Variants in ANKRD11 observed in about 807,000 individuals in gnomAD.
ANKRD11 encodes the protein ankyrin repeat domain-containing protein 11.
In ANKRD11, 17 loss-of-function variants were observed where a neutral mutation model predicts 195.7. The observed-to-expected ratio is 0.09, with a 90% confidence interval of 0.06 to 0.13. The LOEUF is 0.13. ANKRD11 is among the 10% of genes least tolerant of loss of function. The pLI is 1.00. For synonymous variants in ANKRD11, 1,953 were observed against 1,528.1 expected, an observed-to-expected ratio of 1.28 and a Z score of -6.49; for missense variants, 3,735 against 3,566.1, an observed-to-expected ratio of 1.05 and a Z score of -1.21.
chr16:89,428,320 T>C (rs1027444328), intron 1 of ANKRD11, among the ~76,000 whole-genome samples: 1 of 151,896 alleles, frequency 6.6e-6, no homozygotes, highest in African/African-American at 2.4e-5. Context: ...GGTCAGGAGA[T>C]CGAGACCATC....
At chr16:89,371,738 T>A (rs951810532) in intron 2 of ANKRD11, among the ~76,000 whole-genome samples, 2 of 152,002 alleles carry the variant, frequency 1.3e-5, no homozygotes, top group African/African-American at 4.8e-5. Flanking sequence ...CGATGCGGAC[T>A]CCCTCCTGCA....
intron 1 of ANKRD11, among the ~76,000 whole-genome samples, chr16:89,490,001 G>C (rs1470557354): frequency 2.0e-4 from 5 of 24,738 alleles, no homozygotes; most frequent in South Asian, 1.4e-3. Flanking sequence ...CGGCCACCCC[G>C]GGCCCCCAAA....
intron 1 of ANKRD11, among the ~76,000 whole-genome samples, chr16:89,469,261 G>A (rs955273923): frequency 6.6e-5 from 10 of 151,616 alleles, no homozygotes; most frequent in Non-Finnish European, 1.3e-4. Flanking sequence ...TCACTCTGTC[G>A]CCCAGGCTAG....
Position 89,490,533 on chromosome 16 carries a change from C to A in ANKRD11, c.-433G>T. The A allele has an allele frequency of 2.2e-6, 1 of 463,036 alleles. No individual in the cohort carries two copies. The highest frequency in any genetic ancestry group is 3.6e-5 in the South Asian group (1 of 27,914). 28.7% of individuals were successfully genotyped at this position (463,036 alleles called of 1,614,324 possible). Reference sequence around the variant, plus strand: ...CGCCTCCCCGGCTGGGGCCCTCGGTCCATCGCGCACCGTCTCAGGGCGGCC... The same window carrying A: ...CGCCTCCCCGGCTGGGGCCCTCGGTACATCGCGCACCGTCTCAGGGCGGCC... On this transcript the variant is annotated 5_prime_UTR_variant, in exon 1 of 13. Coordinates refer to ENST00000301030, the MANE Select transcript of ANKRD11 (RefSeq NM_013275.6).
intron 6 of ANKRD11, chr16:89,288,973 T>TA: frequency 2.0e-6 from 1 of 503,962 alleles, no homozygotes; most frequent in South Asian, 2.0e-5. Context: ...CACAGTGTAG[T>TA]AAACAGCAGC....
At chr16:89,316,803 T>G in intron 3 of ANKRD11, 130 bp downstream of exon 3, 2 of 1,139,810 alleles carry the variant, frequency 1.8e-6, no homozygotes, top group East Asian at 5.1e-5. Context: ...TCTCCACTCC[T>G]GGCTGCAGAC....
intron 1 of ANKRD11, among the ~76,000 whole-genome samples, chr16:89,440,450 A>G (rs192907755): frequency 6.6e-6 from 1 of 152,200 alleles, no homozygotes; most frequent in African/African-American, 2.4e-5. Context: ...TTGTAACAAT[A>G]AAAACAGAAT....
chr16:89,455,552 A>C (rs1198843591), intron 1 of ANKRD11, among the ~76,000 whole-genome samples: 1 of 152,086 alleles, frequency 6.6e-6, no homozygotes, highest in Non-Finnish European at 1.5e-5. Flanking sequence ...AGCTGCAAAA[A>C]CTGTCAGAAT....
chr16:89,415,268 T>TAAACCCTGCA (rs1567773123), intron 2 of ANKRD11, among the ~76,000 whole-genome samples: 18 of 142,734 alleles, frequency 1.3e-4, no homozygotes, highest in African/African-American at 4.0e-4. Context: ...ATTCTTTTTT[T>TAAACCCTGCA]TTTTTTTTTT....
At chr16:89,370,016 G>A (rs943492368) in intron 2 of ANKRD11, among the ~76,000 whole-genome samples, 5 of 152,206 alleles carry the variant, frequency 3.3e-5, no homozygotes, top group African/African-American at 1.2e-4. Context: ...TTCAGGAAGA[G>A]CCAGGCCAAG....
chr16:89,366,461 C>G (rs1286366057), intron 2 of ANKRD11, among the ~76,000 whole-genome samples: 1 of 152,182 alleles, frequency 6.6e-6, no homozygotes, highest in East Asian at 1.9e-4. Flanking sequence ...TATAAGTGCT[C>G]CCTTTAATCC....
chr16:89,410,165 C>T (rs1288851089), intron 2 of ANKRD11, among the ~76,000 whole-genome samples: 2 of 152,144 alleles, frequency 1.3e-5, no homozygotes, highest in African/African-American at 4.8e-5. Context: ...ACACAGTTTG[C>T]TGTTCAGCTA....
chr16:89,369,294 C>T (rs1191421507), intron 2 of ANKRD11, among the ~76,000 whole-genome samples: 5 of 152,238 alleles, frequency 3.3e-5, no homozygotes, highest in African/African-American at 1.2e-4. Flanking sequence ...CTCCACGACA[C>T]TCGCAGGTCT....
chr16:89,448,343 C>T (rs1201726337), intron 1 of ANKRD11, among the ~76,000 whole-genome samples: 1 of 152,080 alleles, frequency 6.6e-6, no homozygotes, highest in Non-Finnish European at 1.5e-5. Flanking sequence ...ATGGTGAAAC[C>T]TTTTCTCAAA....
chr16:89,375,002 A>G (rs1029226285), intron 2 of ANKRD11, among the ~76,000 whole-genome samples: 1 of 152,106 alleles, frequency 6.6e-6, no homozygotes, highest in Non-Finnish European at 1.5e-5. Flanking sequence ...CCTACCATAA[A>G]CTATACACAG....
chr16:89,342,274 G>A (rs969893380), intron 2 of ANKRD11, among the ~76,000 whole-genome samples: 3 of 152,258 alleles, frequency 2.0e-5, no homozygotes, highest in African/African-American at 7.2e-5. Context: ...AAGAGCTGCT[G>A]GTGAATGAGA....
chr16:89,346,241 C>T (rs2038932636), intron 2 of ANKRD11, among the ~76,000 whole-genome samples: 1 of 141,918 alleles, frequency 7.0e-6, no homozygotes, highest in Non-Finnish European at 1.5e-5. Context: ...GAGGGAGACC[C>T]CGTCTCAGGA....
At chr16:89,480,859 G>A (rs1401167594) in intron 1 of ANKRD11, among the ~76,000 whole-genome samples, 3 of 152,178 alleles carry the variant, frequency 2.0e-5, no homozygotes. Flanking sequence ...GTCCTGGGCT[G>A]TGCCCCTCAA....
intron 2 of ANKRD11, among the ~76,000 whole-genome samples, chr16:89,318,464 C>T (rs1238322451): frequency 1.3e-5 from 2 of 152,364 alleles, no homozygotes; most frequent in Admixed American, 6.5e-5. Context: ...CCTCTGTGCG[C>T]GACCATGCCG....
Sources: gnomAD v4.1 joint callset for allele counts (sites outside exome capture counted in the v4.1 genomes callset) on GRCh38, gnomAD v4.1.1 for gene constraint, MANE v1.5 for transcripts, NCBI Gene and HGNC (gene_info 2026-07-23, HGNC 2026-07-21) for gene names.